Variants in C5 observed in about 807,000 individuals in gnomAD.
C5 encodes the protein C3 and PZP-like alpha-2-macroglobulin domain-containing protein 4.
In C5, 140 loss-of-function variants were observed where a neutral mutation model predicts 218.8. The ratio of observed to expected loss-of-function variants is 0.64; its 90% confidence interval spans 0.56 to 0.74. The LOEUF (loss-of-function observed/expected upper bound fraction) is 0.74, where lower values mean the gene tolerates loss of function less well. Among genes scored for constraint, C5 ranks in the 30% least tolerant of loss-of-function variants. The probability of loss-of-function intolerance (pLI) is 0.00; values close to 1 mark genes in which losing one functional copy is unlikely to be tolerated. For synonymous variants in C5, 614 were observed against 682.3 expected (o/e 0.90, Z 1.56); for missense variants, 1,700 against 1,969.6 (o/e 0.86, Z 2.59).
At chr9:120,960,433 C>T in intron 37 of C5, 96 bp from the exon 38 acceptor site, 2 of 775,634 alleles carry the variant, frequency 2.6e-6, no homozygotes, top group South Asian at 1.4e-5. Flanking sequence ...CCAGAGACAA[C>T]CCAATATAAC....
intron 5 of C5, among the ~76,000 whole-genome samples, chr9:121,033,860 T>C (rs1239592833): frequency 1.3e-5 from 2 of 152,044 alleles, no homozygotes; most frequent in African/African-American, 4.8e-5. Flanking sequence ...TTTCTTTCTT[T>C]CTTTTCTTCC....
Position 120,972,818 on chromosome 9 carries a change from C to T in C5, c.4018-826G>A, listed in dbSNP as rs181076407. 1.7e-3 allele frequency among the ~76,000 whole-genome samples: 264 copies of T among 152,292 alleles called. 1 individual carries two copies. Among genetic ancestry groups the T allele is most frequent in the African/African-American group, 6.0e-3 (250 of 41,550 alleles). ...TGGGCATATGTTAAAGTTTCTCAAT[C>T]CTTCCTTCAAATTTTAGTAAATGTA... On this transcript the variant is annotated intron_variant, in intron 30 of 40. Coordinates refer to ENST00000223642, the MANE Select transcript of C5 (RefSeq NM_001735.3).
intron 26 of C5, 143 bp downstream of exon 26, chr9:120,982,512 C>T (rs943420359): frequency 3.0e-6 from 2 of 662,646 alleles, no homozygotes; most frequent in South Asian, 1.8e-5. Context: ...TGGGAAAGAC[C>T]TTTGTATATT....
intron 16 of C5, 95 bp downstream of exon 16, chr9:121,015,104 A>T: frequency 1.3e-6 from 1 of 788,608 alleles, no homozygotes; most frequent in Non-Finnish European, 2.2e-6. Context: ...CATTCATTTT[A>T]TTTCAATTAG....
At chr9:121,016,126 C>T in intron 15 of C5, 128 bp downstream of exon 15, 1 of 1,201,442 alleles carries the variant, frequency 8.3e-7, no homozygotes, top group Admixed American at 1.7e-5. Context: ...ACATTTTATA[C>T]AGGTGAGTTA....
rs138203250 is a variant in C5 at position 120,984,315 on chromosome 9, G to A, written c.3231-1501C>T. Among the ~76,000 whole-genome samples the A allele has an allele frequency of 7.1e-3, 1,079 of 152,066 alleles. 12 individuals carry two copies. Among genetic ancestry groups the A allele is most frequent in the African/African-American group, 0.025 (1,034 of 41,472 alleles). On this transcript the variant is annotated intron_variant, in intron 25 of 40. Coordinates refer to ENST00000223642, the MANE Select transcript of C5 (RefSeq NM_001735.3). Reference sequence around the variant, plus strand: ...TATTTTCTACTCTATTGACTTTTAGGGGGTAAGAGTTGAGAGCTCCTCTCT... The same window carrying A: ...TATTTTCTACTCTATTGACTTTTAGAGGGTAAGAGTTGAGAGCTCCTCTCT...
Position 120,997,568 on chromosome 9 carries a change from T to C in C5, c.2769A>G (p.Leu923=), listed in dbSNP as rs577693001. 145 of 1,613,616 alleles carry C rather than the reference T, an allele frequency of 9.0e-5. 1 individual carries two copies. The South Asian group carries it at 1.5e-3, about 17-fold the overall frequency. Residue 923 remains leucine (L), a synonymous_variant, in exon 21 of 41, where the codon TTA becomes TTG. Transcript: ENST00000223642. ...TTACCACCACTCGTAATGTTTTTAC[T>C]AAGATTTCTTTTCCAAACCAAGTCT... The part of the protein sequence containing the change: ...SLETWFGKEI[L]VKTLRVVPEG...
At chr9:120,961,911 ATCTATGTATC>A (rs2046830579) in intron 36 of C5, among the ~76,000 whole-genome samples, 1 of 152,206 alleles carries the variant, frequency 6.6e-6, no homozygotes, top group Non-Finnish European at 1.5e-5. Flanking sequence ...AAAAGCATAT[ATCTATGTATC>A]TCTATATATC....
In C5 at chr9:121,043,019, T is replaced by C; in HGVS notation, c.406A>G (p.Thr136Ala). The part of the protein sequence containing the change: ...LFIHTDKPVY[T>A]PDQSVKVRVY... ...TATAATCTACCTGACTGGTCTGGAG[T>C]ATAAACAGGTTTGTCTGTATGAATG... The change falls in exon 3 of 41, where the codon ACT (threonine) becomes GCT (alanine). Residue 136 changes from threonine to alanine, a missense_variant. Coordinates refer to ENST00000223642, the MANE Select transcript of C5 (RefSeq NM_001735.3). 1 of 1,612,464 alleles carries C rather than the reference T, an allele frequency of 6.2e-7. No homozygotes were observed. The highest frequency in any genetic ancestry group is 1.1e-5 in the South Asian group (1 of 91,028).
chr9:121,044,948 C>CTTT (rs1158658235), intron 2 of C5, among the ~76,000 whole-genome samples: 13 of 127,830 alleles, frequency 1.0e-4, no homozygotes, highest in East Asian at 2.3e-4. Context: ...GTAACACTTT[C>CTTT]TTTTTTTTTT....
chr9:121,031,053 G>A lies in C5; in HGVS notation c.668-566C>T, dbSNP rs561046457. Among the ~76,000 whole-genome samples, 71 of 152,168 alleles carry A rather than the reference G, an allele frequency of 4.7e-4. 1 individual carries two copies. In the South Asian group the frequency reaches 0.014, roughly 30 times the overall value. On this transcript the variant is annotated intron_variant, in intron 6 of 40. Coordinates refer to ENST00000223642, the MANE Select transcript of C5 (RefSeq NM_001735.3). ...CAGAGAGCCTGTAATCTTTAAGGTTGAGTTTCATCATAACGAATTTGTTTT... is the reference window on the plus strand; with the variant it reads ...CAGAGAGCCTGTAATCTTTAAGGTTAAGTTTCATCATAACGAATTTGTTTT...
At chr9:121,031,710 A>T (rs1429571933) in intron 6 of C5, among the ~76,000 whole-genome samples, 2 of 152,236 alleles carry the variant, frequency 1.3e-5, no homozygotes, top group Non-Finnish European at 2.9e-5. Flanking sequence ...TCATCTGGGA[A>T]TAATTTTGCA....
chr9:120,958,080 A>T (rs1409280272), intron 38 of C5, among the ~76,000 whole-genome samples: 1 of 152,198 alleles, frequency 6.6e-6, no homozygotes, highest in African/African-American at 2.4e-5. Flanking sequence ...GACCTAAAAG[A>T]TTTGTTCATT....
intron 21 of C5, 98 bp from the exon 22 acceptor site, chr9:120,996,398 T>G: frequency 9.2e-7 from 1 of 1,084,244 alleles, no homozygotes; most frequent in East Asian, 2.4e-5. Context: ...AACTAAAAAA[T>G]TATTTTTCTT....
Position 120,970,241 on chromosome 9 carries a change from A to C in C5, c.4091T>G (p.Val1364Gly). 1 of 1,610,558 alleles carries C rather than the reference A, an allele frequency of 6.2e-7. No individual in the cohort carries two copies. Among genetic ancestry groups the C allele is most frequent in the Non-Finnish European group, 8.5e-7 (1 of 1,176,894 alleles). ...CTCAGAGGTACTGGTTTTGTGAACT[A>C]CAGTTGTTACCTACATTGGGGACAA... Reference protein sequence around the residue: ...SGLATVHVTTVVHKTSTSEEV... With the variant: ...SGLATVHVTTGVHKTSTSEEV... The change falls in exon 32 of 41, where the codon GTA becomes GGA. Residue 1364 changes from valine to glycine, a missense_variant. Val to Gly is a moderately radical substitution (Grantham distance 109, BLOSUM62 -3). Coordinates refer to ENST00000223642, the MANE Select transcript of C5 (RefSeq NM_001735.3).
At chr9:121,013,761 C>G in intron 17 of C5, 112 bp downstream of exon 17, 1 of 1,000,538 alleles carries the variant, frequency 1.0e-6, no homozygotes, top group Non-Finnish European at 1.5e-6. Context: ...TACAAGTTAT[C>G]TTTTCTACTT....
intron 31 of C5, among the ~76,000 whole-genome samples, chr9:120,971,463 G>A (rs1316631581): frequency 5.3e-5 from 8 of 151,922 alleles, no homozygotes; most frequent in Non-Finnish European, 1.0e-4. Flanking sequence ...TGTGTGAGAC[G>A]GAGTCTTGCT....
chr9:120,991,333 G>T, intron 22 of C5, 53 bp from the exon 23 acceptor site: 1 of 958,882 alleles, frequency 1.0e-6, no homozygotes, highest in Non-Finnish European at 1.7e-6. Context: ...AAGACTGTTT[G>T]CAGATTATTT....
intron 37 of C5, 152 bp from the exon 38 acceptor site, chr9:120,960,489 C>A: frequency 1.6e-6 from 1 of 643,832 alleles, no homozygotes; most frequent in Non-Finnish European, 2.8e-6. Flanking sequence ...TCTTTTCTTT[C>A]ATAAAGTGAA....
Sources: allele counts gnomAD v4.1 joint callset (sites outside exome capture counted in the v4.1 genomes callset), GRCh38; gene constraint gnomAD v4.1.1; transcripts MANE v1.5; gene names NCBI Gene and HGNC (gene_info 2026-07-23, HGNC 2026-07-21).